KNL1: variants seen among roughly 807,000 people sequenced by gnomAD.
The protein encoded by KNL1 is kinetochore scaffold 1.
Under a neutral mutation model 201.3 loss-of-function variants are expected in KNL1, and 66 were observed. That is an observed-to-expected ratio of 0.33 (90% CI 0.27 to 0.40). KNL1 has a LOEUF of 0.40. Among genes scored for constraint, KNL1 ranks in the 10% least tolerant of loss-of-function variants. The probability of loss-of-function intolerance (pLI) is 1.00; values close to 1 mark genes in which losing one functional copy is unlikely to be tolerated. For synonymous variants in KNL1, 895 were observed against 899.2 expected, an observed-to-expected ratio of 1.00 and a Z score of 0.08; for missense variants, 2,815 against 2,690.5, an observed-to-expected ratio of 1.05 and a Z score of -1.02.
At chr15:40,602,357 C>T (rs894116398) in intron 1 of KNL1, among the ~76,000 whole-genome samples, 19 of 147,062 alleles carry the variant, frequency 1.3e-4, no homozygotes, top group Admixed American at 3.4e-4. Flanking sequence ...AGGATGGTCT[C>T]GATCTCCTGA....
intron 12 of KNL1, 31 bp downstream of exon 12, chr15:40,628,709 T>C (rs780965743): frequency 7.0e-7 from 1 of 1,420,040 alleles, no homozygotes; most frequent in African/African-American, 1.4e-5. Context: ...TTTTTTTTAT[T>C]TATAAAGAAA....
chr15:40,651,371 G>C (rs772312645), intron 19 of KNL1, 100 bp from the exon 20 acceptor site: 2 of 596,798 alleles, frequency 3.4e-6, no homozygotes, highest in East Asian at 3.2e-5. Context: ...TCAATGGGGA[G>C]TCATGTAGCA....
chr15:40,633,016 T>C (rs11856802), intron 13 of KNL1, among the ~76,000 whole-genome samples: 1 of 152,046 alleles, frequency 6.6e-6, no homozygotes, highest in South Asian at 2.1e-4. Context: ...GGACCACATA[T>C]ACACAGGGGG....
intron 14 of KNL1, among the ~76,000 whole-genome samples, chr15:40,644,462 C>G (rs1893326124): frequency 6.6e-6 from 1 of 152,232 alleles, no homozygotes; most frequent in Non-Finnish European, 1.5e-5. Flanking sequence ...AGTGGCCTTC[C>G]TCTATCTCAA....
intron 10 of KNL1, among the ~76,000 whole-genome samples, chr15:40,626,278 G>A (rs1892750287): frequency 6.6e-6 from 1 of 151,038 alleles, no homozygotes; most frequent in Non-Finnish European, 1.5e-5. Flanking sequence ...TCAGCCTTCC[G>A]AGTAGCTAGG....
At position 40,622,879 on chromosome 15, in the gene KNL1, T is replaced by A. The variant is rs372672562; in HGVS notation, c.2615T>A (p.Met872Lys). The part of the protein sequence containing the change: ...IVFSEDDKND[M>K]DITKSYTIEI... ...TTTTCAGAAGACGATAAGAATGATATGGATATCACTAAGAGTTATACAATA... is the reference window on the plus strand; with the variant it reads ...TTTTCAGAAGACGATAAGAATGATAAGGATATCACTAAGAGTTATACAATA... The change falls in exon 10 of 26, where the codon ATG becomes AAG. Residue 872 changes from methionine to lysine, a missense_variant. Around this residue, in one of 3 missense-constraint regions of KNL1, gnomAD observed 2,464 missense variants for 2,291.7 expected, o/e 1.08. Transcript: ENST00000399668. 1.2e-6 allele frequency: 2 copies of A among 1,612,892 alleles called. No individual in the cohort carries two copies. The highest frequency in any genetic ancestry group is 1.1e-5 in the South Asian group (1 of 91,026).
At chr15:40,606,262 C>A (rs1891967844) in intron 3 of KNL1, 131 bp from the exon 4 acceptor site, 2 of 607,050 alleles carry the variant, frequency 3.3e-6, no homozygotes, top group South Asian at 2.1e-5. Context: ...TAGCATTGAG[C>A]AGAATGAATT....
At chr15:40,648,478 G>T (rs962343644) in intron 17 of KNL1, among the ~76,000 whole-genome samples, 3 of 152,074 alleles carry the variant, frequency 2.0e-5, no homozygotes, top group African/African-American at 7.2e-5. Flanking sequence ...TCAAAAACTT[G>T]TTCTCTCTTA....
Position 40,618,972 on chromosome 15 carries a change from G to A in KNL1, c.336G>A (p.Leu112=). ...NYCEITGMNT[L]LSAPIHTQMQ... ...TTTTCTAAATAGGGATGAACACATT[G>A]CTTTCTGCTCCCATTCATACCCAGA... Residue 112 remains leucine (L), a synonymous_variant, in exon 9 of 26, where the codon TTG becomes TTA. Transcript: ENST00000399668. 6.2e-7 allele frequency: 1 copy of A among 1,607,064 alleles called. No homozygotes were observed. The highest frequency in any genetic ancestry group is 8.5e-7 in the Non-Finnish European group (1 of 1,174,456).
rs555253542 is a variant in KNL1, at chr15:40,625,701, A to T, written c.5376+61A>T. 5.6e-5 allele frequency: 73 copies of T among 1,307,144 alleles called. No individual in the cohort carries two copies. The South Asian group carries it at 9.2e-4, about 17-fold the overall frequency. 81.0% of individuals were successfully genotyped at this position (1,307,144 alleles called of 1,614,324 possible). A position where few individuals can be genotyped will look rare whatever the true frequency, so the allele number is the denominator to read the frequency against. ...TTTTGGGTTTTGTTTTGTTTTCTTA[A>T]ATTGTGGGTATTCTCAAATTTTAAT... On this transcript the variant is annotated intron_variant, in intron 10 of 25. Coordinates refer to ENST00000399668, the MANE Select transcript of KNL1 (RefSeq NM_144508.5).
At chr15:40,650,203 T>TA in intron 17 of KNL1, 98 bp from the exon 18 acceptor site, 1 of 764,194 alleles carries the variant, frequency 1.3e-6, no homozygotes, top group South Asian at 1.9e-5. Context: ...TGTCGTTTAA[T>TA]AAATTGTTTT....
chr15:40,621,676 C>G lies in KNL1; in HGVS notation c.1412C>G (p.Ser471Cys), dbSNP rs1393713764. 1.2e-6 allele frequency: 2 copies of G among 1,612,380 alleles called. No homozygotes were observed. The highest frequency in any genetic ancestry group is 3.3e-5 in the Admixed American group (2 of 59,876). ...KMYCNPDAMS[S>C]LTEKTIYSGE... ...TATTGCAATCCAGATGCTATGTCTT[C>G]TCTCACAGAGAAAACTATTTATTCC... Residue 471 changes from serine (S) to cysteine (C), a missense_variant, in exon 10 of 26, where the codon TCT becomes TGT. Transcript: ENST00000399668.
Position 40,624,604 on chromosome 15 carries a change from C to G in KNL1, c.4340C>G (p.Thr1447Ser). 4 of 1,613,826 alleles carry G rather than the reference C, an allele frequency of 2.5e-6. No homozygotes were observed. Among genetic ancestry groups the G allele is most frequent in the Non-Finnish European group, 3.4e-6 (4 of 1,179,852 alleles). Residue 1447 changes from threonine to serine, a missense_variant, in exon 10 of 26, where the codon ACC becomes AGC. Physicochemically the swap from Thr to Ser is moderately conservative, Grantham distance 58 (BLOSUM62 1). This residue lies in a region of KNL1 where 2,464 missense variants were observed against 2,291.7 expected (regional missense o/e 1.08). Coordinates refer to ENST00000399668, the MANE Select transcript of KNL1 (RefSeq NM_144508.5). ...GTTATTCCTCAGCCTCATTTCTCAA[C>G]CGACCAACCTCCATTACCTAAAAAA... ...IYVIPQPHFS[T>S]DQPPLPKKGQ...
rs774004219 is a variant in KNL1 at position 40,624,543 on chromosome 15, A to G, written c.4279A>G (p.Lys1427Glu). ...AAAGCGAGTATCTTTTAAGCTTCCA[A>G]AGGATCAAATGAAAGTCTATGTTGA... Reference protein sequence around the residue: ...NSKRVSFKLPKDQMKVYVDDI... With the variant: ...NSKRVSFKLPEDQMKVYVDDI... The change falls in exon 10 of 26, where the codon AAG becomes GAG. Residue 1427 changes from lysine to glutamate, a missense_variant. Physicochemically the swap from Lys to Glu is moderately conservative, Grantham distance 56. Coordinates refer to ENST00000399668, the MANE Select transcript of KNL1 (RefSeq NM_144508.5). 6.2e-7 allele frequency: 1 copy of G among 1,613,866 alleles called. No individual in the cohort carries two copies. Among genetic ancestry groups the G allele is most frequent in the Non-Finnish European group, 8.5e-7 (1 of 1,179,880 alleles).
chr15:40,622,956 T>C lies in KNL1; in HGVS notation c.2692T>C (p.Leu898=). 2 of 1,613,728 alleles carry C rather than the reference T, an allele frequency of 1.2e-6. No individual in the cohort carries two copies. The highest frequency in any genetic ancestry group is 1.1e-5 in the South Asian group (1 of 91,042). ...GAAACGTGATTGTCATTTGGTGCCATTGGCAGGAACTTCTGAAACTATTTT... is the reference window on the plus strand; with the variant it reads ...GAAACGTGATTGTCATTTGGTGCCACTGGCAGGAACTTCTGAAACTATTTT... The part of the protein sequence containing the change: ...LEKRDCHLVP[L]AGTSETILYT... Residue 898 remains leucine, a synonymous_variant, in exon 10 of 26, where the codon TTG becomes CTG. Coordinates refer to ENST00000399668, the MANE Select transcript of KNL1 (RefSeq NM_144508.5).
At chr15:40,633,820 A>G (rs1892980470) in intron 13 of KNL1, among the ~76,000 whole-genome samples, 1 of 152,102 alleles carries the variant, frequency 6.6e-6, no homozygotes. Context: ...TTGCAGGTGC[A>G]AGCCACCATG....
chr15:40,651,004 T>G (rs1292681072), intron 19 of KNL1, among the ~76,000 whole-genome samples: 2 of 151,836 alleles, frequency 1.3e-5, no homozygotes, highest in African/African-American at 4.8e-5. Context: ...GAAATTAAAT[T>G]GATGCTAGCA....
intron 19 of KNL1, among the ~76,000 whole-genome samples, chr15:40,651,139 A>G (rs1428747665): frequency 6.6e-6 from 1 of 151,952 alleles, no homozygotes; most frequent in Non-Finnish European, 1.5e-5. Context: ...CATTATGCTT[A>G]TATTTTTATA....
At chr15:40,649,648 A>C (rs919377929) in intron 17 of KNL1, among the ~76,000 whole-genome samples, 8 of 150,774 alleles carry the variant, frequency 5.3e-5, no homozygotes, top group African/African-American at 1.7e-4. Flanking sequence ...TCTGTTGCCC[A>C]GGCTGGGGTG....
Sources: gnomAD v4.1 joint callset for allele counts (sites outside exome capture counted in the v4.1 genomes callset) on GRCh38, gnomAD v4.1.1 for gene constraint, gnomAD v4.1.1 regional missense constraint, MANE v1.5 for transcripts, NCBI Gene and HGNC (gene_info 2026-07-23, HGNC 2026-07-21) for gene names.